Variants in TAF6L observed in about 807,000 individuals in gnomAD.
TAF6L encodes TAF6-like RNA polymerase II p300/CBP-associated factor-associated factor 65 kDa subunit 6L.
A neutral mutation model predicts 57.3 loss-of-function variants in TAF6L; 34 were observed. That is an observed-to-expected ratio of 0.59 (90% confidence interval 0.45 to 0.79). The LOEUF (loss-of-function observed/expected upper bound fraction) is 0.79. TAF6L is among the 30% of genes least tolerant of loss of function. TAF6L has a pLI of 0.00. For missense variants in TAF6L, 782 were observed against 853.2 expected, an observed-to-expected ratio of 0.92 and a Z score of 1.04; for synonymous variants, 417 against 376.3, an observed-to-expected ratio of 1.11 and a Z score of -1.25.
chr11:62,778,756 G>A, intron 5 of TAF6L, 113 bp from the exon 6 acceptor site: 3 of 920,808 alleles, frequency 3.3e-6, no homozygotes, highest in Admixed American at 3.6e-5. Context: ...TGTCCTGTCA[G>A]AAAGGCTTCT....
Position 62,786,819 on chromosome 11 carries a change from G to C in TAF6L, c.1392G>C (p.Thr464=), listed in dbSNP as rs765313518. The C allele has an allele frequency of 6.2e-7, 1 of 1,606,026 alleles. No individual in the cohort carries two copies. Among genetic ancestry groups the C allele is most frequent in the Non-Finnish European group, 8.5e-7 (1 of 1,179,070 alleles). Reference sequence around the variant, plus strand: ...TTGGCACCGGCCAGCCTGCACCCACGGCTCCGCGGCCGCCCGGGGACAAGA... The same window carrying C: ...TTGGCACCGGCCAGCCTGCACCCACCGCTCCGCGGCCGCCCGGGGACAAGA... ...TRFGTGQPAP[T]APRPPGDKKE... is the part of the protein sequence containing the mutation. The change falls in exon 11 of 11, where the codon ACG becomes ACC. Residue 464 remains threonine (T), a synonymous_variant. Transcript: ENST00000294168.
At chr11:62,776,992 C>G (rs1409529963) in intron 3 of TAF6L, among the ~76,000 whole-genome samples, 1 of 151,772 alleles carries the variant, frequency 6.6e-6, no homozygotes, top group African/African-American at 2.4e-5. Flanking sequence ...ACTAAAAATA[C>G]AAAAATTAGC....
chr11:62,781,682 G>T, intron 6 of TAF6L: 7 of 417,840 alleles, frequency 1.7e-5, no homozygotes, highest in East Asian at 1.0e-4. Context: ...AAAAAAAGTT[G>T]GACATTCAGG....
intron 3 of TAF6L, 147 bp downstream of exon 3, chr11:62,776,617 G>A (rs1678978233): frequency 8.5e-6 from 6 of 703,958 alleles, no homozygotes; most frequent in South Asian, 1.6e-5. Flanking sequence ...TTGGGAGGCC[G>A]AGGTGGGCGG....
rs2084183544 is a variant in TAF6L, at chr11:62,775,837, G to A, written c.54G>A (p.Arg18=). 1 of 1,612,930 alleles carries A rather than the reference G, an allele frequency of 6.2e-7. No homozygotes were observed. Among genetic ancestry groups the A allele is most frequent in the Non-Finnish European group, 8.5e-7 (1 of 1,179,896 alleles). The change falls in exon 2 of 11, where the codon CGG becomes CGA. Residue 18 remains arginine (R), a synonymous_variant. Coordinates refer to ENST00000294168, the MANE Select transcript of TAF6L (RefSeq NM_006473.4). Reference sequence around the variant, plus strand: ...TGGAGATCCCTCGGGAGTCTGTCCGGCTCATGGCGGAGAGCACGGGCCTGG... The same window carrying A: ...TGGAGATCCCTCGGGAGTCTGTCCGACTCATGGCGGAGAGCACGGGCCTGG... ...RFVEIPRESV[R]LMAESTGLEL...
intron 2 of TAF6L, 114 bp from the exon 3 acceptor site, chr11:62,776,270 C>T: frequency 9.6e-7 from 1 of 1,039,280 alleles, no homozygotes. Flanking sequence ...GGCTTCTGAT[C>T]CCTAAGCGTG....
intron 4 of TAF6L, 78 bp downstream of exon 4, chr11:62,778,206 A>G: frequency 6.2e-7 from 1 of 1,613,576 alleles, no homozygotes; most frequent in African/African-American, 1.3e-5. Flanking sequence ...GGCTGGTGGA[A>G]GAGGCAGAAC....
At chr11:62,779,963 T>C (rs1333341014) in intron 6 of TAF6L, among the ~76,000 whole-genome samples, 1 of 70,364 alleles carries the variant, frequency 1.4e-5, no homozygotes, top group Non-Finnish European at 3.6e-5. Context: ...TATATATATA[T>C]ATATATATAT....
Position 62,786,371 on chromosome 11 carries a change from G to A in TAF6L, c.1072G>A (p.Val358Ile). ...NAQVKADGHK[V>I]YGAILVAVER... ...CCAGGTCAAAGCAGATGGACACAAA[G>A]TCTATGGAGCCATTCTGGTGAGTAC... Residue 358 changes from valine to isoleucine, a missense_variant, in exon 10 of 11, where the codon GTC (valine) becomes ATC (isoleucine). Physicochemically the swap from Val to Ile is conservative, Grantham distance 29. Around this residue, in one of 3 missense-constraint regions of TAF6L, gnomAD observed 483 missense variants for 445.1 expected, o/e 1.09. Transcript: ENST00000294168. 2 of 1,614,102 alleles carry A rather than the reference G, an allele frequency of 1.2e-6. No homozygotes were observed. The highest frequency in any genetic ancestry group is 3.3e-4 in the Middle Eastern group (2 of 6,062).
intron 9 of TAF6L, among the ~76,000 whole-genome samples, chr11:62,783,854 A>T (rs982882605): frequency 6.6e-6 from 1 of 150,674 alleles, no homozygotes; most frequent in Non-Finnish European, 1.5e-5. Flanking sequence ...TTAATATGAC[A>T]AGTTCTATTC....
chr11:62,782,902 T>G (rs1377944749), intron 9 of TAF6L, 77 bp downstream of exon 9: 1 of 1,573,904 alleles, frequency 6.4e-7, no homozygotes, highest in Non-Finnish European at 8.7e-7. Flanking sequence ...TGCATCGTTA[T>G]CTCCAAAATA....
At chr11:62,773,384 G>A (rs2084163695) in intron 1 of TAF6L, among the ~76,000 whole-genome samples, 1 of 151,680 alleles carries the variant, frequency 6.6e-6, no homozygotes, top group Admixed American at 6.6e-5. Flanking sequence ...CTGACCTTGT[G>A]ATCCACCCGC....
chr11:62,783,215 G>A (rs2084243243), intron 9 of TAF6L, among the ~76,000 whole-genome samples: 1 of 152,214 alleles, frequency 6.6e-6, no homozygotes, highest in Non-Finnish European at 1.5e-5. Flanking sequence ...GGGCGCAGTG[G>A]CTCACGCCTG....
Position 62,774,610 on chromosome 11 carries a change from G to A in TAF6L, c.-13-1161G>A, listed in dbSNP as rs745714609. 5.1e-5 allele frequency: 23 copies of A among 454,936 alleles called. No individual in the cohort carries two copies. In the Middle Eastern group the frequency reaches 1.4e-3, roughly 28 times the overall value. The allele number at this position is 454,936 out of a possible 1,614,324, so 28.2% of individuals were successfully genotyped here. A position where few individuals can be genotyped will look rare whatever the true frequency, so the allele number is the denominator to read the frequency against. ...GGGAGCCTACCTTCTGGTGCTGTGC[G>A]TTGTTGGAGTGAGTCATCAGCTGCT... On this transcript the variant is annotated intron_variant, in intron 1 of 10. Coordinates refer to ENST00000294168, the MANE Select transcript of TAF6L (RefSeq NM_006473.4).
In TAF6L at chr11:62,786,907, G is replaced by A; in HGVS notation, c.1480G>A (p.Val494Ile). 1 of 1,519,414 alleles carries A rather than the reference G, an allele frequency of 6.6e-7. No individual in the cohort carries two copies. Among genetic ancestry groups the A allele is most frequent in the Non-Finnish European group, 8.7e-7 (1 of 1,143,396 alleles). The allele number at this position is 1,519,414 out of a possible 1,614,324, so 94.1% of individuals were successfully genotyped here. A position where few individuals can be genotyped will look rare whatever the true frequency, so the allele number is the denominator to read the frequency against. ...KMPQLTASAI[V>I]SPHGDESPRG... ...GCCGCAGCTGACGGCAAGCGCCATA[G>A]TCAGCCCGCACGGCGACGAGAGCCC... Residue 494 changes from valine to isoleucine, a missense_variant, in exon 11 of 11, where the codon GTC (valine) becomes ATC (isoleucine). Coordinates refer to ENST00000294168, the MANE Select transcript of TAF6L (RefSeq NM_006473.4).
At chr11:62,780,713 T>G (rs1257877951) in intron 6 of TAF6L, among the ~76,000 whole-genome samples, 1 of 149,234 alleles carries the variant, frequency 6.7e-6, no homozygotes, top group Non-Finnish European at 1.5e-5. Flanking sequence ...GTGGATCATG[T>G]GAGGCCGGGA....
At chr11:62,785,603 C>T (rs140979968) in intron 9 of TAF6L, among the ~76,000 whole-genome samples, 8 of 149,220 alleles carry the variant, frequency 5.4e-5, no homozygotes, top group East Asian at 2.0e-4. Flanking sequence ...GGTGTGATCT[C>T]GGCTCACTGC....
In TAF6L at chr11:62,783,339, T is replaced by G. The variant is rs893612909; in HGVS notation, c.960+514T>G. The stretch of plus-strand genomic sequence containing the variant: ...CTACTAAAAATACAAACAATTAGCC[T>G]GGTGTGGTGGCGGGCGCCTGTAGTC... On this transcript the variant is annotated intron_variant, in intron 9 of 10. Transcript: ENST00000294168. Among the ~76,000 whole-genome samples, 14 of 151,912 alleles carry G rather than the reference T, an allele frequency of 9.2e-5. No homozygotes were observed. In the South Asian group the frequency reaches 1.7e-3, roughly 18 times the overall value.
chr11:62,772,556 C>G (rs1193555797), intron 1 of TAF6L, among the ~76,000 whole-genome samples: 1 of 144,140 alleles, frequency 6.9e-6, no homozygotes, highest in Non-Finnish European at 1.5e-5. Context: ...GGGCCAGGTG[C>G]GGTGGCTCTC....
Sources: allele counts gnomAD v4.1 joint callset (sites outside exome capture counted in the v4.1 genomes callset), GRCh38; gene constraint gnomAD v4.1.1; regional missense constraint gnomAD v4.1.1; transcripts MANE v1.5; gene names NCBI Gene and HGNC (gene_info 2026-07-23, HGNC 2026-07-21).